The following FREM3 variants were observed in gnomAD, a reference collection of about 807,000 sequenced individuals.
The protein encoded by FREM3 is FRAS1-related extracellular matrix protein 3.
In FREM3, 105 loss-of-function variants were observed where a neutral mutation model predicts 129.1. The observed-to-expected ratio is 0.81, with a 90% CI of 0.69 to 0.96. The LOEUF (loss-of-function observed/expected upper bound fraction) is 0.96, where lower values mean the gene tolerates loss of function less well. Among genes scored for constraint, FREM3 ranks in the 40% least tolerant of loss-of-function variants. The pLI is 0.00. For synonymous variants in FREM3, 1,014 were observed against 1,044.9 expected (o/e 0.97, Z 0.57); for missense variants, 2,593 against 2,666.3 (o/e 0.97, Z 0.61).
At chr4:143,625,072 G>A (rs1257225198) in intron 3 of FREM3, among the ~76,000 whole-genome samples, 2 of 151,918 alleles carry the variant, frequency 1.3e-5, no homozygotes, top group African/African-American at 4.8e-5. Flanking sequence ...CTGAAGATAC[G>A]AAACAACAAC....
Position 143,624,096 on chromosome 4 carries a change from A to G in FREM3, c.5653+12T>C, listed in dbSNP as rs1313387468. The G allele has an allele frequency of 1.4e-6, 2 of 1,422,010 alleles. No homozygotes were observed. Among genetic ancestry groups the G allele is most frequent in the Non-Finnish European group, 1.9e-6 (2 of 1,041,820 alleles). 88.1% of individuals were successfully genotyped at this position (1,422,010 alleles called of 1,614,324 possible). On this transcript the variant is annotated intron_variant, in intron 4 of 7. Transcript: ENST00000329798. ...TACTGGTTAATAAAGCAAATCAATC[A>G]GTGTCACATACCATCTCCAGGGTCT...
chr4:143,687,447 G>A (rs965812092), intron 2 of FREM3, among the ~76,000 whole-genome samples: 1 of 152,018 alleles, frequency 6.6e-6, no homozygotes, highest in Non-Finnish European at 1.5e-5. Context: ...AGAAGAATTG[G>A]TACCAATTAT....
At chr4:143,692,552 G>T (rs184078326) in intron 2 of FREM3, among the ~76,000 whole-genome samples, 113 of 152,214 alleles carry the variant, frequency 7.4e-4, no homozygotes, top group African/African-American at 2.6e-3. Context: ...CTGTTAACTA[G>T]ATGCTGCCCA....
In FREM3 at chr4:143,660,897, G is replaced by A. The variant is rs536146696; in HGVS notation, c.5275+32216C>T. 7.0e-4 allele frequency among the ~76,000 whole-genome samples: 107 copies of A among 152,280 alleles called. 3 individuals are homozygous for A. The South Asian group carries it at 0.021, about 30-fold the overall frequency. ...TTGGCTCTCTGTTTGTCTGTCATTG[G>A]TGTATAAGAATGTTTGTGATTTTTG... On this transcript the variant is annotated intron_variant, in intron 2 of 7. Coordinates refer to ENST00000329798, the MANE Select transcript of FREM3 (RefSeq NM_001168235.2).
At chr4:143,578,081 C>T (rs185955172) in intron 7 of FREM3, among the ~76,000 whole-genome samples, 1 of 152,380 alleles carries the variant, frequency 6.6e-6, no homozygotes, top group African/African-American at 2.4e-5. Flanking sequence ...GGGCTTTACA[C>T]GTCTAGACCA....
chr4:143,627,034 A>G (rs1308299326), intron 3 of FREM3, among the ~76,000 whole-genome samples: 1 of 152,174 alleles, frequency 6.6e-6, no homozygotes, highest in East Asian at 1.9e-4. Flanking sequence ...GTTAATTGTT[A>G]ATGATGATAA....
chr4:143,676,775 G>A (rs1411744055), intron 2 of FREM3, among the ~76,000 whole-genome samples: 2 of 152,182 alleles, frequency 1.3e-5, no homozygotes, highest in Non-Finnish European at 2.9e-5. Context: ...CAAATCATGA[G>A]TGAACTCCTA....
chr4:143,660,336 G>A (rs1399805648), intron 2 of FREM3, among the ~76,000 whole-genome samples: 23 of 151,240 alleles, frequency 1.5e-4, no homozygotes, highest in Non-Finnish European at 2.9e-4. Context: ...TTTATTAAAT[G>A]GGGAATCCTT....
intron 2 of FREM3, among the ~76,000 whole-genome samples, chr4:143,642,056 T>C (rs1739329094): frequency 6.7e-6 from 1 of 150,062 alleles, no homozygotes; most frequent in Non-Finnish European, 1.5e-5. Context: ...GAAATTCAGT[T>C]CAAAAACCAT....
At chr4:143,583,286 A>G (rs1738179554) in intron 7 of FREM3, among the ~76,000 whole-genome samples, 1 of 152,178 alleles carries the variant, frequency 6.6e-6, no homozygotes. Flanking sequence ...AATGTGCAAA[A>G]CTTCTTAGAA....
At chr4:143,657,092 C>T (rs564910501) in intron 2 of FREM3, among the ~76,000 whole-genome samples, 2 of 152,246 alleles carry the variant, frequency 1.3e-5, no homozygotes, top group South Asian at 2.1e-4. Context: ...ATAAGAAATG[C>T]TAGAATTATT....
rs143203072 is a variant in FREM3 at position 143,615,618 on chromosome 4, A to G, written c.5780-4091T>C. ...CAGTCAGGTACTCTGGGATGCCCGTACAGTAAAAAACAACTAGAAAAAATA... is the reference window on the plus strand; with the variant it reads ...CAGTCAGGTACTCTGGGATGCCCGTGCAGTAAAAAACAACTAGAAAAAATA... On this transcript the variant is annotated intron_variant, in intron 5 of 7. Transcript: ENST00000329798. Among the ~76,000 whole-genome samples, 3 of 152,274 alleles carry G rather than the reference A, an allele frequency of 2.0e-5. No homozygotes were observed. In the East Asian group the frequency reaches 5.8e-4, roughly 29 times the overall value.
At chr4:143,674,615 C>A (rs534606388) in intron 2 of FREM3, among the ~76,000 whole-genome samples, 1 of 152,076 alleles carries the variant, frequency 6.6e-6, no homozygotes, top group African/African-American at 2.4e-5. Flanking sequence ...TAAAGAGTCA[C>A]GACCCATCAG....
intron 2 of FREM3, among the ~76,000 whole-genome samples, 163 bp downstream of exon 2, chr4:143,692,950 A>T (rs1740499802): frequency 6.6e-6 from 1 of 152,194 alleles, no homozygotes; most frequent in South Asian, 2.1e-4. Flanking sequence ...CAGGACCATA[A>T]GTGAAACAAA....
chr4:143,637,631 T>C (rs1327405737), intron 2 of FREM3, among the ~76,000 whole-genome samples: 1 of 152,084 alleles, frequency 6.6e-6, no homozygotes, highest in African/African-American at 2.4e-5. Context: ...GGCTCTCTTT[T>C]TGGAGACTGC....
intron 6 of FREM3, among the ~76,000 whole-genome samples, chr4:143,609,586 C>T (rs1207914166): frequency 6.6e-6 from 1 of 152,130 alleles, no homozygotes; most frequent in Non-Finnish European, 1.5e-5. Flanking sequence ...TCTTTCCTAA[C>T]CTCTTGGTAA....
At chr4:143,691,141 A>T (rs1018100591) in intron 2 of FREM3, among the ~76,000 whole-genome samples, 1 of 152,226 alleles carries the variant, frequency 6.6e-6, no homozygotes, top group African/African-American at 2.4e-5. Context: ...ATGTATATGT[A>T]CTTTAAGATA....
intron 6 of FREM3, among the ~76,000 whole-genome samples, chr4:143,606,409 C>T (rs1738668951): frequency 6.7e-6 from 1 of 150,188 alleles, no homozygotes; most frequent in Non-Finnish European, 1.5e-5. Flanking sequence ...AAAGCTGCAA[C>T]CCTTTTAAAC....
chr4:143,594,029 T>C (rs188439119), intron 6 of FREM3, among the ~76,000 whole-genome samples: 35 of 152,328 alleles, frequency 2.3e-4, no homozygotes, highest in Middle Eastern at 3.4e-3. Flanking sequence ...CTCTGAGCCA[T>C]GTGCAGGATA....
Sources: gnomAD v4.1 joint callset for allele counts (sites outside exome capture counted in the v4.1 genomes callset) on GRCh38, gnomAD v4.1.1 for gene constraint, MANE v1.5 for transcripts, NCBI Gene and HGNC (gene_info 2026-07-23, HGNC 2026-07-21) for gene names.